PTK7: variants seen among roughly 807,000 people sequenced by gnomAD.
PTK7 encodes the protein protein tyrosine kinase 7 (inactive).
In PTK7, 39 loss-of-function variants were observed where a neutral mutation model predicts 116.6. The observed-to-expected ratio is 0.33, with a 90% confidence interval of 0.26 to 0.44. PTK7 has a LOEUF of 0.44. Among genes scored for constraint, PTK7 ranks in the 20% least tolerant of loss-of-function variants. The pLI, the probability that PTK7 is intolerant of heterozygous loss-of-function variation, is 1.00. For missense variants in PTK7, 1,169 were observed against 1,425.6 expected, an observed-to-expected ratio of 0.82 and a Z score of 2.90; for synonymous variants, 546 against 563.6, an observed-to-expected ratio of 0.97 and a Z score of 0.44.
At chr6:43,146,313 G>A in intron 16 of PTK7, 1 of 256,492 alleles carries the variant, frequency 3.9e-6, no homozygotes, top group East Asian at 7.7e-5. Flanking sequence ...AGAGGGTAGG[G>A]GACTGTTTTC....
At position 43,076,589 on chromosome 6, in the gene PTK7, G is replaced by T; in HGVS notation, c.79+22G>T. 6.4e-7 allele frequency: 1 copy of T among 1,569,060 alleles called. No homozygotes were observed. Among genetic ancestry groups the T allele is most frequent in the Non-Finnish European group, 8.6e-7 (1 of 1,163,150 alleles). On this transcript the variant is annotated intron_variant, in intron 1 of 19. Transcript: ENST00000230419. This position sits in a 1 kb window ranked among gnomAD's most constrained non-coding sequence, Gnocchi z 5.7. Reference sequence around the variant, plus strand: ...GGCGGTGAGTACCCGAGAGTTGGGGGCACAGAGCTTGGGAAGCGCGGGAGT... The same window carrying T: ...GGCGGTGAGTACCCGAGAGTTGGGGTCACAGAGCTTGGGAAGCGCGGGAGT...
chr6:43,078,553 A>C (rs1357301753), intron 1 of PTK7, among the ~76,000 whole-genome samples: 2 of 152,148 alleles, frequency 1.3e-5, no homozygotes. Context: ...AATAGATCAC[A>C]GTAGATGTTT....
chr6:43,137,482 G>A (rs960108549), intron 7 of PTK7, among the ~76,000 whole-genome samples: 2 of 152,148 alleles, frequency 1.3e-5, no homozygotes, highest in Admixed American at 6.6e-5. Flanking sequence ...GCAGGTTTTG[G>A]GGGAAGTCAG....
chr6:43,142,291 A>G lies in PTK7; in HGVS notation c.2039A>G (p.Tyr680Cys), dbSNP rs1770465195. 1.9e-6 allele frequency: 3 copies of G among 1,613,996 alleles called. No homozygotes were observed. The highest frequency in any genetic ancestry group is 2.5e-6 in the Non-Finnish European group (3 of 1,180,016). The change falls in exon 13 of 20, where the codon TAT becomes TGT. Residue 680 changes from tyrosine to cysteine, a missense_variant. Physicochemically the swap from Tyr to Cys is radical, Grantham distance 194. This residue lies in a region of PTK7 where 678 missense variants were observed against 853.8 expected (regional missense o/e 0.79). Transcript: ENST00000230419. ...ATCAAGCACACGGAGGCCCCCCTCT[A>G]TGTCGTGGGTATGGGCTGGGGAGGG... ...CNIKHTEAPL[Y>C]VVDKPVPEES...
At chr6:43,151,592 C>T (rs1321350152) in intron 17 of PTK7, among the ~76,000 whole-genome samples, 1 of 125,128 alleles carries the variant, frequency 8.0e-6, no homozygotes, top group Admixed American at 8.6e-5. Context: ...AGTGTGGTGG[C>T]GCGATCTCGG....
chr6:43,092,160 C>T (rs1028816667), intron 1 of PTK7, among the ~76,000 whole-genome samples: 11 of 151,842 alleles, frequency 7.2e-5, no homozygotes, highest in African/African-American at 2.4e-4. Context: ...TGTGCCCGGC[C>T]TACTGTGCCT....
chr6:43,094,300 C>T (rs757134468), intron 1 of PTK7, among the ~76,000 whole-genome samples: 3 of 152,132 alleles, frequency 2.0e-5, no homozygotes, highest in Non-Finnish European at 2.9e-5. Flanking sequence ...TGTTCTCCTG[C>T]CTCACCAGTT....
rs1561990003 is a variant in PTK7, at chr6:43,157,339, TATATATATATATATATA to T, written c.2722-1477_2722-1461del. ...CAGACACACACGCTATATATATATA[TATATATATATATATATA>T]TATATATATTTTTTTTTTTCTTTTT... On this transcript the variant is annotated intron_variant, in intron 17 of 19. Transcript: ENST00000230419. Among the ~76,000 whole-genome samples, 30 of 4,076 alleles carry T rather than the reference TATATATATATATATATA, an allele frequency of 7.4e-3. 1 individual carries two copies. The highest frequency in any genetic ancestry group is 0.018 in the African/African-American group (19 of 1,042). 2.7% of individuals were successfully genotyped at this position (4,076 alleles called of 152,430 possible).
At chr6:43,131,365 A>G (rs1769671924) in intron 5 of PTK7, among the ~76,000 whole-genome samples, 1 of 151,248 alleles carries the variant, frequency 6.6e-6, no homozygotes, top group Non-Finnish European at 1.5e-5. Context: ...ACAGTTGCAC[A>G]TGGTGGTTAT....
At chr6:43,082,286 C>T (rs1327511844) in intron 1 of PTK7, among the ~76,000 whole-genome samples, 2 of 152,190 alleles carry the variant, frequency 1.3e-5, no homozygotes, top group East Asian at 3.8e-4. Flanking sequence ...AGCGATTCTC[C>T]TGCCTCAGCC....
At chr6:43,138,720 C>G (rs1467421170) in intron 7 of PTK7, 129 bp from the exon 8 acceptor site, 1 of 1,324,128 alleles carries the variant, frequency 7.6e-7, no homozygotes, top group Non-Finnish European at 1.0e-6. Flanking sequence ...AAGGGAAACT[C>G]CTGCCATCTG....
Position 43,139,091 on chromosome 6 carries a change from G to C in PTK7, c.1363-45G>C. ...ACCCTGGAGGCAGCCTCCAGGGAGA[G>C]GTGGGTGTGGGTTCAGGCTCTGAGG... is the stretch of plus-strand genomic sequence containing the variant. On this transcript the variant is annotated intron_variant, in intron 8 of 19. Coordinates refer to ENST00000230419, the MANE Select transcript of PTK7 (RefSeq NM_002821.5). The surrounding 1 kb of genome is among the most constrained non-coding windows in gnomAD (Gnocchi z 4.6). The C allele has an allele frequency of 6.2e-7, 1 of 1,612,476 alleles. No individual in the cohort carries two copies. Among genetic ancestry groups the C allele is most frequent in the Non-Finnish European group, 8.5e-7 (1 of 1,178,870 alleles).
chr6:43,107,649 G>A (rs1239973136), intron 1 of PTK7, among the ~76,000 whole-genome samples: 1 of 152,184 alleles, frequency 6.6e-6, no homozygotes, highest in Non-Finnish European at 1.5e-5. Context: ...GTCTTATGAA[G>A]TACTTGGCAC....
intron 17 of PTK7, among the ~76,000 whole-genome samples, chr6:43,152,096 C>G (rs1472155376): frequency 6.6e-6 from 1 of 152,088 alleles, no homozygotes; most frequent in Non-Finnish European, 1.5e-5. Flanking sequence ...ATCCACCCGC[C>G]TCGGCCTCCC....
In PTK7 at chr6:43,139,343, C is replaced by T; in HGVS notation, c.1499-63C>T. The T allele has an allele frequency of 6.2e-7, 1 of 1,613,974 alleles. No individual in the cohort carries two copies. The highest frequency in any genetic ancestry group is 1.3e-5 in the African/African-American group (1 of 75,052). On this transcript the variant is annotated intron_variant, in intron 9 of 19. Transcript: ENST00000230419. This position sits in a 1 kb window ranked among gnomAD's most constrained non-coding sequence, Gnocchi z 4.6. ...GAGGAAAGGGGAGGGAGCAGCAGGC[C>T]TGGCCACGGCCTCTCCAGCGGCCCC...
At chr6:43,089,891 G>A (rs571901238) in intron 1 of PTK7, among the ~76,000 whole-genome samples, 2 of 152,344 alleles carry the variant, frequency 1.3e-5, no homozygotes, top group East Asian at 1.9e-4. Flanking sequence ...CTGTGCCATG[G>A]ACTGGGAAAA....
In PTK7 at chr6:43,076,771, G is replaced by A; in HGVS notation, c.79+204G>A. 7.1e-7 allele frequency: 1 copy of A among 1,404,860 alleles called. No homozygotes were observed. The highest frequency in any genetic ancestry group is 9.3e-7 in the Non-Finnish European group (1 of 1,079,482). The allele number at this position is 1,404,860 out of a possible 1,614,324, so 87.0% of individuals were successfully genotyped here. ...GCGAAGCCTCCAGGGACGCGGTCAG[G>A]GTACCCCTCCCACTCGCGCCGCGGG... On this transcript the variant is annotated intron_variant, in intron 1 of 19. Transcript: ENST00000230419. The surrounding 1 kb of genome is among the most constrained non-coding windows in gnomAD (Gnocchi z 5.7).
At chr6:43,156,056 C>T (rs889363159) in intron 17 of PTK7, among the ~76,000 whole-genome samples, 2 of 151,424 alleles carry the variant, frequency 1.3e-5, no homozygotes, top group Admixed American at 1.3e-4. Context: ...TGGTGAAACC[C>T]CATCTCTACT....
intron 1 of PTK7, among the ~76,000 whole-genome samples, chr6:43,078,115 T>C (rs1271964799): frequency 2.0e-5 from 3 of 152,276 alleles, no homozygotes; most frequent in Admixed American, 2.0e-4. Flanking sequence ...TCACTGCTGC[T>C]GTTCAGGGTA....
Sources: allele counts gnomAD v4.1 joint callset (sites outside exome capture counted in the v4.1 genomes callset), GRCh38; gene constraint gnomAD v4.1.1; regional missense constraint gnomAD v4.1.1; non-coding constraint Gnocchi (gnomAD v3.1); transcripts MANE v1.5; gene names NCBI Gene and HGNC (gene_info 2026-07-23, HGNC 2026-07-21).